The following PCDH11X variants were observed in gnomAD, a reference collection of about 807,000 sequenced individuals.
PCDH11X encodes the protein protocadherin-11 X-linked.
In PCDH11X, 18 loss-of-function variants were observed where a neutral mutation model predicts 53.3. The observed-to-expected ratio is 0.34, with a 90% CI of 0.23 to 0.50. The LOEUF is 0.50. Among genes scored for constraint, PCDH11X ranks in the 20% least tolerant of loss-of-function variants. PCDH11X has a pLI of 0.98. For synonymous variants in PCDH11X, 279 were observed against 393.3 expected (o/e 0.71, Z 3.44); for missense variants, 570 against 1,032.4 (o/e 0.55, Z 6.14).
intron 6 of PCDH11X, among the ~76,000 whole-genome samples, chrX:92,117,864 G>A (rs1287710636): frequency 8.9e-6 from 1 of 112,018 alleles, no homozygotes; most frequent in Non-Finnish European, 1.9e-5. Context: ...ATGTAGTTCA[G>A]CAGTTACACA....
At chrX:92,510,871 TATTATTAA>T (rs758776017) in intron 10 of PCDH11X, among the ~76,000 whole-genome samples, 153 of 112,192 alleles carry the variant, frequency 1.4e-3, no homozygotes, top group African/African-American at 4.7e-3. Context: ...GCATAAAAAG[TATTATTAA>T]ATTATGGAAA....
chrX:92,217,267 A>G (rs1244597550), intron 7 of PCDH11X, among the ~76,000 whole-genome samples: 1 of 111,247 alleles, frequency 9.0e-6, no homozygotes, highest in Admixed American at 9.6e-5. Context: ...CAAATTAGAT[A>G]AAGAGTCAAG....
chrX:92,071,726 A>C (rs1488094744), intron 6 of PCDH11X, among the ~76,000 whole-genome samples: 1 of 111,231 alleles, frequency 9.0e-6, no homozygotes, highest in Non-Finnish European at 1.9e-5. Flanking sequence ...AATTCTTGGA[A>C]TCACCAGGCA....
At chrX:91,886,448 A>G (rs1415614074) in intron 6 of PCDH11X, among the ~76,000 whole-genome samples, 2 of 110,912 alleles carry the variant, frequency 1.8e-5, no homozygotes, top group Non-Finnish European at 3.8e-5. Flanking sequence ...ATCAAAATCT[A>G]TAGTGCATAA....
intron 6 of PCDH11X, among the ~76,000 whole-genome samples, chrX:92,139,736 G>A (rs2065147626): frequency 9.0e-6 from 1 of 111,602 alleles, no homozygotes; most frequent in Non-Finnish European, 1.9e-5. Flanking sequence ...TTGATAATTT[G>A]TTAATAGTTG....
intron 6 of PCDH11X, among the ~76,000 whole-genome samples, chrX:92,032,309 C>T (rs764748104): frequency 9.0e-6 from 1 of 111,177 alleles, no homozygotes; most frequent in Admixed American, 9.6e-5. Flanking sequence ...AGAAATGCTA[C>T]TGATTTTTCC....
At chrX:92,100,268 A>G (rs1419816097) in intron 6 of PCDH11X, among the ~76,000 whole-genome samples, 1 of 111,665 alleles carries the variant, frequency 9.0e-6, no homozygotes, top group East Asian at 2.8e-4. Flanking sequence ...AGAGACCACC[A>G]AACAGGCTTT....
At chrX:92,012,856 T>C (rs1396867056) in intron 6 of PCDH11X, among the ~76,000 whole-genome samples, 1 of 111,846 alleles carries the variant, frequency 8.9e-6, no homozygotes, top group East Asian at 2.8e-4. Flanking sequence ...ATGTTTATGC[T>C]ATACTGTAGC....
intron 8 of PCDH11X, among the ~76,000 whole-genome samples, chrX:92,316,989 T>C (rs755842164): frequency 1.8e-5 from 2 of 111,394 alleles, no homozygotes; most frequent in South Asian, 7.5e-4. Flanking sequence ...ATTTATGTCT[T>C]AAAGACAGCC....
In PCDH11X at chrX:92,287,612, C is replaced by T. The variant is rs950907420; in HGVS notation, c.3144+24469C>T. Among the ~76,000 whole-genome samples, 69 of 112,168 alleles carry T rather than the reference C, an allele frequency of 6.2e-4. 1 individual carries two copies. The highest frequency in any genetic ancestry group is 4.7e-4 in the Non-Finnish European group (25 of 53,295). Reference sequence around the variant, plus strand: ...CCTGTACGATCCAGCATTATTTGGACATTACCTGGAACCTAGAATTTTCTT... The same window carrying T: ...CCTGTACGATCCAGCATTATTTGGATATTACCTGGAACCTAGAATTTTCTT... On this transcript the variant is annotated intron_variant, in intron 8 of 10. Coordinates refer to ENST00000682573, the MANE Select transcript of PCDH11X (RefSeq NM_032968.5).
At chrX:91,908,154 A>G (rs775207003) in intron 6 of PCDH11X, among the ~76,000 whole-genome samples, 2 of 112,064 alleles carry the variant, frequency 1.8e-5, no homozygotes, top group South Asian at 7.4e-4. Context: ...TTGCTACAGA[A>G]GCAAAAATCA....
chrX:92,110,651 C>T (rs2064482928), intron 6 of PCDH11X, among the ~76,000 whole-genome samples: 1 of 111,082 alleles, frequency 9.0e-6, no homozygotes, highest in Non-Finnish European at 1.9e-5. Context: ...GGTGACTGCA[C>T]CTGTAAAGAT....
At chrX:92,005,371 T>C (rs2062581824) in intron 6 of PCDH11X, among the ~76,000 whole-genome samples, 1 of 111,454 alleles carries the variant, frequency 9.0e-6, no homozygotes, top group Non-Finnish European at 1.9e-5. Flanking sequence ...ATATGCTTTT[T>C]GGTTTGGAGG....
At position 92,256,308 on chromosome X, in the gene PCDH11X, C is replaced by T. The variant is rs1485336739; in HGVS notation, c.3115-6806C>T. 2.2e-4 allele frequency among the ~76,000 whole-genome samples: 24 copies of T among 111,439 alleles called. No homozygotes were observed. The East Asian group carries it at 3.7e-3, about 17-fold the overall frequency. ...GCCTCACCCTGCTTCAGCTCGCGCA[C>T]GGTGTGCACACCCACTGACCTGCAC... On this transcript the variant is annotated intron_variant, in intron 7 of 10. Transcript: ENST00000682573.
chrX:92,071,755 C>A (rs2063705420), intron 6 of PCDH11X, among the ~76,000 whole-genome samples: 1 of 111,481 alleles, frequency 9.0e-6, no homozygotes, highest in African/African-American at 3.3e-5. Flanking sequence ...GCTCTTTTCT[C>A]TTGCTTTCTC....
chrX:91,912,668 T>TG (rs1399412307), intron 6 of PCDH11X, among the ~76,000 whole-genome samples: 1 of 109,553 alleles, frequency 9.1e-6, no homozygotes, highest in East Asian at 2.9e-4. Flanking sequence ...AAAATCGAAG[T>TG]GGGGGGGAAA....
At position 92,423,968 on chromosome X, in the gene PCDH11X, G is replaced by C. The variant is rs187668192; in HGVS notation, c.3343+36035G>C. Among the ~76,000 whole-genome samples, 3 of 91,004 alleles carry C rather than the reference G, an allele frequency of 3.3e-5. 1 individual carries two copies. The South Asian group carries it at 1.6e-3, about 48-fold the overall frequency. 79.0% of individuals were successfully genotyped at this position (91,004 alleles called of 115,157 possible). A position where few individuals can be genotyped will look rare whatever the true frequency, so the allele number is the denominator to read the frequency against. On this transcript the variant is annotated intron_variant, in intron 9 of 10. Transcript: ENST00000682573. ...GCTTAGACTTGCTTTGGCTATGCGG[G>C]CTCTTTTTTGGTTTCATGTATGAAC...
chrX:92,143,884 T>G (rs746052466), intron 6 of PCDH11X, among the ~76,000 whole-genome samples: 1 of 111,442 alleles, frequency 9.0e-6, no homozygotes, highest in South Asian at 3.8e-4. Flanking sequence ...AGGGAGGCTG[T>G]ACCTTGCAAA....
chrX:92,138,332 T>C (rs2065117244), intron 6 of PCDH11X, among the ~76,000 whole-genome samples: 1 of 111,182 alleles, frequency 9.0e-6, no homozygotes, highest in Non-Finnish European at 1.9e-5. Flanking sequence ...ATAAAGGCTT[T>C]TTTTAATGGT....
Sources: allele counts gnomAD v4.1 joint callset (sites outside exome capture counted in the v4.1 genomes callset), GRCh38; gene constraint gnomAD v4.1.1; transcripts MANE v1.5; gene names NCBI Gene and HGNC (gene_info 2026-07-23, HGNC 2026-07-21).